FAM83D: variants seen among roughly 807,000 people sequenced by gnomAD.
FAM83D encodes the protein protein FAM83D.
Under a neutral mutation model 25.4 loss-of-function variants are expected in FAM83D, and 26 were observed. That is an observed-to-expected ratio of 1.02 (90% CI 0.75 to 1.42). FAM83D has a LOEUF of 1.42. Ranked by LOEUF, FAM83D falls within the 40% of genes most tolerant of loss-of-function variation. The probability of loss-of-function intolerance (pLI) is 0.00; values close to 1 mark genes in which losing one functional copy is unlikely to be tolerated. For missense variants in FAM83D, 740 were observed against 758.1 expected, an observed-to-expected ratio of 0.98 and a Z score of 0.28; for synonymous variants, 310 against 318.5, an observed-to-expected ratio of 0.97 and a Z score of 0.28.
At chr20:38,934,416 C>T (rs1003534691) in intron 1 of FAM83D, among the ~76,000 whole-genome samples, 9 of 149,398 alleles carry the variant, frequency 6.0e-5, no homozygotes, top group African/African-American at 2.2e-4. Context: ...TAGCTTGAAC[C>T]TGGGAGGTGG....
chr20:38,942,921 C>G (rs766748272), intron 2 of FAM83D, among the ~76,000 whole-genome samples: 1 of 152,154 alleles, frequency 6.6e-6, no homozygotes, highest in Non-Finnish European at 1.5e-5. Flanking sequence ...TGAAGGCCAC[C>G]CTGGAAGTTG....
In FAM83D at chr20:38,926,915, C is replaced by G; in HGVS notation, c.473C>G (p.Ser158Trp). 1 of 1,459,570 alleles carries G rather than the reference C, an allele frequency of 6.9e-7. No individual in the cohort carries two copies. 90.4% of individuals were successfully genotyped at this position (1,459,570 alleles called of 1,614,324 possible). Residue 158 changes from serine (S) to tryptophan (W), a missense_variant, in exon 1 of 4, where the codon TCG (serine) becomes TGG (tryptophan). Ser to Trp is a radical substitution (Grantham distance 177). Around this residue, in one of 3 missense-constraint regions of FAM83D, gnomAD observed 333 missense variants for 298.6 expected, o/e 1.12. Coordinates refer to ENST00000619850, the MANE Select transcript of FAM83D (RefSeq NM_030919.3). ...GACGCTCTGCGCCAGCAGCTCCGCT[C>G]GGCGCGAGAGGTGAGCGGCCCTCCA... ...CKDALRQQLRSAREVIAVVMD... is the reference protein window; with the variant it reads ...CKDALRQQLRWAREVIAVVMD...
Position 38,942,144 on chromosome 20 carries a change from T to C in FAM83D, c.651+18T>C. On this transcript the variant is annotated intron_variant, in intron 2 of 3. Transcript: ENST00000619850. ...AGGAAAAGGTTTGTGGTACACTATA[T>C]CCAGTTTCACCATAGTCAACAAATA... The C allele has an allele frequency of 6.2e-7, 1 of 1,613,704 alleles. No individual in the cohort carries two copies. The highest frequency in any genetic ancestry group is 8.5e-7 in the Non-Finnish European group (1 of 1,179,604).
At chr20:38,951,014 G>A (rs2085751349) in intron 3 of FAM83D, among the ~76,000 whole-genome samples, 1 of 152,070 alleles carries the variant, frequency 6.6e-6, no homozygotes, top group Non-Finnish European at 1.5e-5. Flanking sequence ...CTGGAGACAG[G>A]GTTTCACCAT....
chr20:38,937,548 G>A (rs955038909), intron 1 of FAM83D, among the ~76,000 whole-genome samples: 6 of 152,198 alleles, frequency 3.9e-5, no homozygotes, highest in Non-Finnish European at 8.8e-5. Flanking sequence ...GTCTACTTCA[G>A]CTATGCAGGG....
chr20:38,932,135 C>T lies in FAM83D; in HGVS notation c.483+5210C>T, dbSNP rs145054549. Among the ~76,000 whole-genome samples the T allele has an allele frequency of 5.5e-3, 834 of 152,292 alleles. 6 individuals are homozygous for T. Among genetic ancestry groups the T allele is most frequent in the African/African-American group, 0.019 (800 of 41,550 alleles). ...GCGCGGTGGCTCATGCCTGTAATCC[C>T]AGTGTTTTGGGAGGTCAAGGCTGGA... On this transcript the variant is annotated intron_variant, in intron 1 of 3. Coordinates refer to ENST00000619850, the MANE Select transcript of FAM83D (RefSeq NM_030919.3).
At chr20:38,943,247 A>G (rs1399729100) in intron 2 of FAM83D, among the ~76,000 whole-genome samples, 1 of 151,020 alleles carries the variant, frequency 6.6e-6, no homozygotes, top group Admixed American at 6.6e-5. Context: ...CTGGTCTTGA[A>G]CTCCTACCTC....
intron 1 of FAM83D, among the ~76,000 whole-genome samples, chr20:38,928,251 G>GTC (rs1319812267): frequency 1.3e-5 from 2 of 152,222 alleles, no homozygotes; most frequent in Admixed American, 1.3e-4. Context: ...CTGAGTGTGG[G>GTC]TGAAGATACC....
rs1032425418 is a variant in FAM83D, at chr20:38,952,221, G to T, written c.1459G>T (p.Val487Leu). ...CTCCTCTGTGTCTTCCCAAGGCTCT[G>T]TGGCAAGCTCCACTGGTTCTCCCGC... ...SSSSVSSQGS[V>L]ASSTGSPASI... The change falls in exon 4 of 4, where the codon GTG becomes TTG. Residue 487 changes from valine to leucine, a missense_variant. By Grantham distance (32) the Val-to-Leu change is conservative (BLOSUM62 1). This residue lies in a region of FAM83D where 375 missense variants were observed against 403.2 expected (regional missense o/e 0.93). Coordinates refer to ENST00000619850, the MANE Select transcript of FAM83D (RefSeq NM_030919.3). 22 of 1,614,022 alleles carry T rather than the reference G, an allele frequency of 1.4e-5. No homozygotes were observed. The highest frequency in any genetic ancestry group is 1.9e-5 in the Non-Finnish European group (22 of 1,180,052).
intron 1 of FAM83D, 57 bp from the exon 2 acceptor site, chr20:38,941,902 T>C: frequency 6.4e-7 from 1 of 1,555,608 alleles, no homozygotes; most frequent in Non-Finnish European, 8.9e-7. Context: ...CCAGAGAGCG[T>C]GCTGTAAGGT....
intron 1 of FAM83D, among the ~76,000 whole-genome samples, chr20:38,939,786 G>C (rs1005595685): frequency 6.6e-6 from 1 of 152,148 alleles, no homozygotes; most frequent in South Asian, 2.1e-4. Flanking sequence ...AGCCCACAGC[G>C]TGCTCTGAGG....
intron 3 of FAM83D, among the ~76,000 whole-genome samples, chr20:38,950,686 C>T (rs2085749271): frequency 6.7e-6 from 1 of 150,110 alleles, no homozygotes; most frequent in South Asian, 2.1e-4. Context: ...AGCAGTAGCT[C>T]CCCTCTGTGA....
rs375053183 is a variant in FAM83D at position 38,926,450 on chromosome 20, T to A, written c.8T>A (p.Leu3Gln). 1.0e-5 allele frequency: 16 copies of A among 1,598,752 alleles called. No individual in the cohort carries two copies. The highest frequency in any genetic ancestry group is 2.2e-5 in the East Asian group (1 of 44,694). MA[L>Q]LSEGLDEVPA... ...TCGAGTCCGAGCGCCGCCATGGCTC[T>A]GCTGTCCGAGGGCCTGGACGAGGTG... The change falls in exon 1 of 4, where the codon CTG becomes CAG. Residue 3 changes from leucine (L) to glutamine (Q), a missense_variant. By Grantham distance (113) the Leu-to-Gln change is moderately radical (BLOSUM62 -2). Transcript: ENST00000619850.
At chr20:38,943,538 A>C (rs1354753291) in intron 2 of FAM83D, among the ~76,000 whole-genome samples, 3 of 152,142 alleles carry the variant, frequency 2.0e-5, no homozygotes, top group Non-Finnish European at 4.4e-5. Flanking sequence ...TTCATTTCTC[A>C]TTATTGTAAA....
chr20:38,951,333 T>C (rs951999064), intron 3 of FAM83D, among the ~76,000 whole-genome samples: 1 of 152,188 alleles, frequency 6.6e-6, no homozygotes, highest in African/African-American at 2.4e-5. Context: ...TGTTAAACAG[T>C]TGGCCTTTTT....
chr20:38,926,427 G>C lies in FAM83D; in HGVS notation c.-16G>C. The stretch of plus-strand genomic sequence containing the variant: ...CGCCGGTTTTTGTCCGAGGGCTGTC[G>C]AGTCCGAGCGCCGCCATGGCTCTGC... On this transcript the variant is annotated 5_prime_UTR_variant, in exon 1 of 4. Coordinates refer to ENST00000619850, the MANE Select transcript of FAM83D (RefSeq NM_030919.3). The C allele has an allele frequency of 1.3e-6, 2 of 1,597,502 alleles. No individual in the cohort carries two copies. The highest frequency in any genetic ancestry group is 1.7e-6 in the Non-Finnish European group (2 of 1,178,480).
chr20:38,937,112 C>T (rs78259929), intron 1 of FAM83D, among the ~76,000 whole-genome samples: 20,260 of 152,220 alleles, frequency 0.13, 1,412 homozygotes, highest in Middle Eastern at 0.19. Context: ...ATGCCCCTGA[C>T]CAGCTGGATG....
intron 1 of FAM83D, among the ~76,000 whole-genome samples, chr20:38,928,510 G>T (rs1012377741): frequency 6.6e-6 from 1 of 152,224 alleles, no homozygotes; most frequent in Admixed American, 6.5e-5. Context: ...GGAAAAGGCA[G>T]ACTTGTGTAG....
chr20:38,946,416 A>C (rs2085728894), intron 2 of FAM83D, among the ~76,000 whole-genome samples: 1 of 152,096 alleles, frequency 6.6e-6, no homozygotes, highest in South Asian at 2.1e-4. Flanking sequence ...CCCTTCACCC[A>C]GTTTCCCCAA....
Sources: gnomAD v4.1 joint callset for allele counts (sites outside exome capture counted in the v4.1 genomes callset) on GRCh38, gnomAD v4.1.1 for gene constraint, gnomAD v4.1.1 regional missense constraint, MANE v1.5 for transcripts, NCBI Gene and HGNC (gene_info 2026-07-23, HGNC 2026-07-21) for gene names.